Variants in TNFRSF4 observed in about 807,000 individuals in gnomAD.
TNFRSF4 encodes TNF receptor superfamily member 4.
A neutral mutation model predicts 29.5 loss-of-function variants in TNFRSF4; 21 were observed. That is an observed-to-expected ratio of 0.71 (90% CI 0.51 to 1.03). The LOEUF is 1.03. TNFRSF4 is among the 50% of genes least tolerant of loss of function. TNFRSF4 has a pLI of 0.00. For synonymous variants in TNFRSF4, 197 were observed against 172.7 expected, an observed-to-expected ratio of 1.14 and a Z score of -1.10; for missense variants, 408 against 387.8, an observed-to-expected ratio of 1.05 and a Z score of -0.44.
intron 2 of TNFRSF4, 34 bp downstream of exon 2, chr1:1,213,629 C>T: frequency 1.3e-6 from 2 of 1,553,856 alleles, no homozygotes; most frequent in Non-Finnish European, 8.7e-7. Flanking sequence ...GCCCCCTGTG[C>T]TGGGTGGGGC....
In TNFRSF4 at chr1:1,213,738, G is replaced by A. The variant is rs587777075; in HGVS notation, c.193C>T (p.Arg65Cys). 2.2e-5 allele frequency: 35 copies of A among 1,602,950 alleles called. No individual in the cohort carries two copies. Among genetic ancestry groups the A allele is most frequent in the African/African-American group, 2.7e-5 (2 of 74,786 alleles). Residue 65 changes from arginine to cysteine, a missense_variant, in exon 2 of 7, where the codon CGT becomes TGT. By Grantham distance (180) the Arg-to-Cys change is radical. Coordinates refer to ENST00000379236, the MANE Select transcript of TNFRSF4 (RefSeq NM_003327.4). ...TTGTAGAAGCCCGGCCCGCACGGAC[G>A]GCACACCGTGTTCTGGGAGCGGCTG... is the stretch of plus-strand genomic sequence containing the variant. ...RCSRSQNTVC[R>C]PCGPGFYNDV...
At position 1,211,706 on chromosome 1, in the gene TNFRSF4, G is replaced by A; in HGVS notation, c.761C>T (p.Pro254Leu). The change falls in exon 6 of 7, where the codon CCT (proline) becomes CTT (leucine). Residue 254 changes from proline to leucine, a missense_variant and splice_region_variant. By Grantham distance (98) the Pro-to-Leu change is moderately conservative. Coordinates refer to ENST00000379236, the MANE Select transcript of TNFRSF4 (RefSeq NM_003327.4). The stretch of plus-strand genomic sequence containing the variant: ...CGGCAGGGCCATGAGGCACTCACCA[G>A]GGGGCTTGTGGGCATCGGGGGGCAG... ...QRLPPDAHKP[P>L]GGGSFRTPIQ... 2 of 1,590,470 alleles carry A rather than the reference G, an allele frequency of 1.3e-6. No individual in the cohort carries two copies. Among genetic ancestry groups the A allele is most frequent in the Non-Finnish European group, 1.7e-6 (2 of 1,169,226 alleles).
In TNFRSF4 at chr1:1,213,799, C is replaced by T. The variant is rs200164800; in HGVS notation, c.146-14G>A. On this transcript the variant is annotated splice_polypyrimidine_tract_variant and intron_variant, in intron 1 of 6. Transcript: ENST00000379236. ...CCATCCCGTTGCCTGCAGCAGAGGCCGGCGTCAGGCAGCGGTCAGGCCCCA... is the reference window on the plus strand; with the variant it reads ...CCATCCCGTTGCCTGCAGCAGAGGCTGGCGTCAGGCAGCGGTCAGGCCCCA... 28 of 1,587,678 alleles carry T rather than the reference C, an allele frequency of 1.8e-5. No homozygotes were observed. The highest frequency in any genetic ancestry group is 7.0e-5 in the Admixed American group (4 of 56,886).
intron 4 of TNFRSF4, 103 bp from the exon 5 acceptor site, chr1:1,212,241 T>C (rs1173341914): frequency 1.5e-6 from 2 of 1,308,332 alleles, no homozygotes; most frequent in African/African-American, 1.5e-5. Context: ...AGGCAGCATC[T>C]ACCACAGACA....
At chr1:1,213,614 C>T (rs1649309263) in intron 2 of TNFRSF4, 49 bp downstream of exon 2, 1 of 1,527,072 alleles carries the variant, frequency 6.5e-7, no homozygotes, top group East Asian at 2.4e-5. Flanking sequence ...GGGTGCCAGG[C>T]TGCCGCCCCC....
At position 1,211,530 on chromosome 1, in the gene TNFRSF4, C is replaced by T; in HGVS notation, c.*25G>A. On this transcript the variant is annotated 3_prime_UTR_variant, in exon 7 of 7. Transcript: ENST00000379236. ...CTCCGGGCTCCAGCCTGGCGGGGCC[C>T]AGCGTCCACCTTGGTGGGCCCAGGT... 6.8e-7 allele frequency: 1 copy of T among 1,480,894 alleles called. No homozygotes were observed. Among genetic ancestry groups the T allele is most frequent in the Non-Finnish European group, 8.9e-7 (1 of 1,117,854 alleles). 91.7% of individuals were successfully genotyped at this position (1,480,894 alleles called of 1,614,324 possible).
chr1:1,213,126 TG>T, intron 2 of TNFRSF4, 33 bp from the exon 3 acceptor site: 1 of 1,584,586 alleles, frequency 6.3e-7, no homozygotes, highest in Non-Finnish European at 8.6e-7. Flanking sequence ...GGTGGTCAGG[TG>T]GGGGCTGTGG....
chr1:1,212,087 G>A lies in TNFRSF4; in HGVS notation c.489C>T (p.Asp163=), dbSNP rs768010168. 3.4e-5 allele frequency: 55 copies of A among 1,612,456 alleles called. No individual in the cohort carries two copies. The highest frequency in any genetic ancestry group is 8.0e-5 in the African/African-American group (6 of 74,904). Reference sequence around the variant, plus strand: ...GGGGGTCCCTGTCCTCACAGATTGCGTCCGAGCTATTGCTGGCCGGCTGCA... The same window carrying A: ...GGGGGTCCCTGTCCTCACAGATTGCATCCGAGCTATTGCTGGCCGGCTGCA... The part of the protein sequence containing the change: ...HTLQPASNSS[D]AICEDRDPPA... Residue 163 remains aspartate (D), a synonymous_variant, in exon 5 of 7, where the codon GAC becomes GAT. Coordinates refer to ENST00000379236, the MANE Select transcript of TNFRSF4 (RefSeq NM_003327.4).
Position 1,211,512 on chromosome 1 carries a change from C to T in TNFRSF4, c.*43G>A. 6.8e-7 allele frequency: 1 copy of T among 1,474,602 alleles called. No individual in the cohort carries two copies. Among genetic ancestry groups the T allele is most frequent in the Non-Finnish European group, 9.0e-7 (1 of 1,115,682 alleles). The allele number at this position is 1,474,602 out of a possible 1,614,324, so 91.3% of individuals were successfully genotyped here. A position where few individuals can be genotyped will look rare whatever the true frequency, so the allele number is the denominator to read the frequency against. ...CTGCTCGCCCAGCAGACCCTCCGGG[C>T]TCCAGCCTGGCGGGGCCCAGCGTCC... On this transcript the variant is annotated 3_prime_UTR_variant, in exon 7 of 7. Transcript: ENST00000379236.
chr1:1,212,920 C>T (rs1306888035), intron 3 of TNFRSF4, 72 bp downstream of exon 3: 6 of 1,469,156 alleles, frequency 4.1e-6, no homozygotes, highest in Non-Finnish European at 5.5e-6. Context: ...GTCCCTGCGG[C>T]CCACGGCCCA....
chr1:1,214,108 C>A lies in TNFRSF4; in HGVS notation c.20G>T (p.Arg7Leu). The stretch of plus-strand genomic sequence containing the variant: ...AGCCGCACACGGCCCGCGGCCCAGC[C>A]GCCGAGCCCCCACGCACATCCTCGT... MCVGAR[R>L]LGRGPCAALL... The change falls in exon 1 of 7, where the codon CGG becomes CTG. Residue 7 changes from arginine to leucine, a missense_variant. Physicochemically the swap from Arg to Leu is moderately radical, Grantham distance 102. Transcript: ENST00000379236. The surrounding 1 kb of genome is among the most constrained non-coding windows in gnomAD (Gnocchi z 4.2). The A allele has an allele frequency of 1.3e-6, 2 of 1,583,514 alleles. No homozygotes were observed. The highest frequency in any genetic ancestry group is 8.5e-7 in the Non-Finnish European group (1 of 1,170,690).
chr1:1,212,878 G>A, intron 3 of TNFRSF4, 114 bp downstream of exon 3: 1 of 1,303,788 alleles, frequency 7.7e-7, no homozygotes, highest in Non-Finnish European at 1.0e-6. Context: ...GCTCGGTCTT[G>A]AGGATGCCAG....
At chr1:1,212,952 A>G in intron 3 of TNFRSF4, 40 bp downstream of exon 3, 1 of 1,561,866 alleles carries the variant, frequency 6.4e-7, no homozygotes, top group Non-Finnish European at 8.7e-7. Flanking sequence ...GACAGCCGCT[A>G]TGCACACCCC....
At chr1:1,212,553 C>A in intron 4 of TNFRSF4, 85 bp downstream of exon 4, 1 of 572,116 alleles carries the variant, frequency 1.7e-6, no homozygotes, top group Non-Finnish European at 2.8e-6. Context: ...GCCCCCCCAG[C>A]CCCTCCCAGC....
intron 3 of TNFRSF4, 114 bp from the exon 4 acceptor site, chr1:1,212,818 C>T (rs1570465466): frequency 1.6e-6 from 2 of 1,234,702 alleles, no homozygotes; most frequent in Non-Finnish European, 2.2e-6. Flanking sequence ...TGGGTTTGGC[C>T]TCTGGAAGCC....
chr1:1,212,176 C>G, intron 4 of TNFRSF4, 38 bp from the exon 5 acceptor site: 1 of 1,607,544 alleles, frequency 6.2e-7, no homozygotes, highest in Non-Finnish European at 8.5e-7. Context: ...GGCCAGAAAC[C>G]CCCTGGGACC....
In TNFRSF4 at chr1:1,212,096, A is replaced by G. The variant is rs1397637804; in HGVS notation, c.480T>C (p.Asn160=). The change falls in exon 5 of 7, where the codon AAT becomes AAC. Residue 160 remains asparagine, a synonymous_variant. Transcript: ENST00000379236. The part of the protein sequence containing the change: ...AGKHTLQPAS[N]SSDAICEDRD... Reference sequence around the variant, plus strand: ...TGTCCTCACAGATTGCGTCCGAGCTATTGCTGGCCGGCTGCAGGGTGTGCT... The same window carrying G: ...TGTCCTCACAGATTGCGTCCGAGCTGTTGCTGGCCGGCTGCAGGGTGTGCT... 3 of 1,612,562 alleles carry G rather than the reference A, an allele frequency of 1.9e-6. No individual in the cohort carries two copies. The highest frequency in any genetic ancestry group is 1.7e-6 in the Non-Finnish European group (2 of 1,179,738).
chr1:1,213,723 C>T lies in TNFRSF4; in HGVS notation c.208G>A (p.Gly70Ser). The T allele has an allele frequency of 6.2e-7, 1 of 1,600,770 alleles. No homozygotes were observed. The highest frequency in any genetic ancestry group is 8.5e-7 in the Non-Finnish European group (1 of 1,174,930). ...GAGCTGACCACGTCGTTGTAGAAGC[C>T]CGGCCCGCACGGACGGCACACCGTG... Reference protein sequence around the residue: ...QNTVCRPCGPGFYNDVVSSKP... With the variant: ...QNTVCRPCGPSFYNDVVSSKP... Residue 70 changes from glycine (G) to serine (S), a missense_variant, in exon 2 of 7, where the codon GGC (glycine) becomes AGC (serine). Transcript: ENST00000379236.
Position 1,211,962 on chromosome 1 carries a change from C to T in TNFRSF4, c.614G>A (p.Arg205Gln), listed in dbSNP as rs749385408. The change falls in exon 5 of 7, where the codon CGG becomes CAG. Residue 205 changes from arginine (R) to glutamine (Q), a missense_variant. Physicochemically the swap from Arg to Gln is conservative, Grantham distance 43. Coordinates refer to ENST00000379236, the MANE Select transcript of TNFRSF4 (RefSeq NM_003327.4). Reference protein sequence around the residue: ...WPRTSQGPSTRPVEVPGGRAV... With the variant: ...WPRTSQGPSTQPVEVPGGRAV... Reference sequence around the variant, plus strand: ...CTTACCCCCGGGGACCTCCACGGGCCGGGTGGAGGGTCCCTGTGAGGTTCT... The same window carrying T: ...CTTACCCCCGGGGACCTCCACGGGCTGGGTGGAGGGTCCCTGTGAGGTTCT... 1.0e-4 allele frequency: 160 copies of T among 1,583,482 alleles called. No homozygotes were observed. The Admixed American group carries it at 1.1e-3, about 11-fold the overall frequency.
Sources: allele counts gnomAD v4.1 joint callset, GRCh38; gene constraint gnomAD v4.1.1; non-coding constraint Gnocchi (gnomAD v3.1); transcripts MANE v1.5; gene names NCBI Gene and HGNC (gene_info 2026-07-23, HGNC 2026-07-21).